Variants in TET2 observed in about 807,000 individuals in gnomAD.
The protein encoded by TET2 is tet methylcytosine dioxygenase 2.
Under a neutral mutation model 142.9 loss-of-function variants are expected in TET2, and 299 were observed. The observed-to-expected ratio is 2.09, with a 90% CI of 1.90 to 2.30. The LOEUF (loss-of-function observed/expected upper bound fraction) is 2.30, where lower values mean the gene tolerates loss of function less well. Ranked by LOEUF, TET2 falls within the 30% of genes most tolerant of loss-of-function variation. The pLI is 0.00. For synonymous variants in TET2, 819 were observed against 849.0 expected (o/e 0.96, Z 0.61); for missense variants, 2,418 against 2,378.0 (o/e 1.02, Z -0.35).
chr4:105,159,786 C>T (rs1000025284), intron 1 of TET2, among the ~76,000 whole-genome samples: 6 of 152,074 alleles, frequency 3.9e-5, no homozygotes, highest in African/African-American at 1.4e-4. Flanking sequence ...GAGGCCAAGG[C>T]GGGTGGCAAG....
chr4:105,240,834 A>G (rs1470983948), intron 3 of TET2: 2 of 1,079,478 alleles, frequency 1.9e-6, no homozygotes, highest in Admixed American at 1.1e-4. Flanking sequence ...CTTATTTGCA[A>G]AACAGCAATT....
chr4:105,243,656 G>C lies in TET2; in HGVS notation c.3681G>C (p.Val1227=), dbSNP rs2110255105. 1.9e-6 allele frequency: 3 copies of C among 1,551,616 alleles called. No individual in the cohort carries two copies. The highest frequency in any genetic ancestry group is 2.6e-6 in the Non-Finnish European group (3 of 1,146,942). ...ACACCTGTGAGGCTGCAGTGATTGT[G>C]ATTCTCATCCTGGTGTGGGAAGGAA... ...AGHTCEAAVI[V]ILILVWEGIP... Residue 1227 remains valine, a synonymous_variant, in exon 6 of 11, where the codon GTG becomes GTC. Transcript: ENST00000380013.
Position 105,233,903 on chromosome 4 carries a change from A to G in TET2, c.-40A>G, listed in dbSNP as rs901606519. 6.4e-7 allele frequency: 1 copy of G among 1,555,388 alleles called. No individual in the cohort carries two copies. The highest frequency in any genetic ancestry group is 1.2e-5 in the South Asian group (1 of 83,546). On this transcript the variant is annotated 5_prime_UTR_variant, in exon 3 of 11. Coordinates refer to ENST00000380013, the MANE Select transcript of TET2 (RefSeq NM_001127208.3). ...TTGTTTCCATGCTCTTTAGAATTCA[A>G]CTAGAGGGCAGCCTTGTGGATGGCC...
intron 1 of TET2, among the ~76,000 whole-genome samples, chr4:105,184,375 A>T (rs1396183437): frequency 6.6e-6 from 1 of 152,152 alleles, no homozygotes; most frequent in Non-Finnish European, 1.5e-5. Context: ...TACTATGTTA[A>T]ATTGTTTATA....
At position 105,275,187 on chromosome 4, in the gene TET2, T is replaced by C. The variant is rs374094417; in HGVS notation, c.4677T>C (p.Ser1559=). 8 of 1,552,116 alleles carry C rather than the reference T, an allele frequency of 5.2e-6. No individual in the cohort carries two copies. The African/African-American group carries it at 1.1e-4, about 21-fold the overall frequency. ...ACCCTCAGACAGAGTCTGTCAACTC[T>C]TATTCTGCTTCTGGATCCACCAATC... ...PHHPQTESVN[S]YSASGSTNPY... Residue 1559 remains serine, a synonymous_variant, in exon 11 of 11, where the codon TCT becomes TCC. Coordinates refer to ENST00000380013, the MANE Select transcript of TET2 (RefSeq NM_001127208.3).
chr4:105,200,010 G>T (rs1726350551), intron 2 of TET2, among the ~76,000 whole-genome samples: 1 of 152,082 alleles, frequency 6.6e-6, no homozygotes, highest in Non-Finnish European at 1.5e-5. Flanking sequence ...AAATATGTGT[G>T]CATGTGTCTT....
At chr4:105,254,731 G>A (rs1730038149) in intron 6 of TET2, among the ~76,000 whole-genome samples, 1 of 152,084 alleles carries the variant, frequency 6.6e-6, no homozygotes, top group Non-Finnish European at 1.5e-5. Flanking sequence ...GAACTTTTTA[G>A]GAACAATAGA....
At chr4:105,270,641 T>C (rs898790955) in intron 9 of TET2, among the ~76,000 whole-genome samples, 1 of 150,728 alleles carries the variant, frequency 6.6e-6, no homozygotes, top group Non-Finnish European at 1.5e-5. Flanking sequence ...GTCTTGTAAT[T>C]GGAGGCAGTG....
intron 6 of TET2, among the ~76,000 whole-genome samples, chr4:105,253,986 T>C (rs1560559929): frequency 6.6e-6 from 1 of 152,198 alleles, no homozygotes; most frequent in Non-Finnish European, 1.5e-5. Context: ...GATTTTCAAA[T>C]TTTGAACTAG....
intron 1 of TET2, among the ~76,000 whole-genome samples, chr4:105,169,992 T>C (rs939841835): frequency 6.6e-6 from 1 of 152,162 alleles, no homozygotes; most frequent in Non-Finnish European, 1.5e-5. Context: ...GGCCTTCTAG[T>C]ATAAAGTCAG....
chr4:105,236,467 C>G lies in TET2; in HGVS notation c.2525C>G (p.Ser842Ter). The G allele has an allele frequency of 1.2e-6, 2 of 1,614,034 alleles. No individual in the cohort carries two copies. The highest frequency in any genetic ancestry group is 1.7e-6 in the Non-Finnish European group (2 of 1,180,002). Residue 842 changes from serine to a stop codon, truncating the protein, a stop_gained, in exon 3 of 11, where the codon TCA becomes TGA. Coordinates refer to ENST00000380013, the MANE Select transcript of TET2 (RefSeq NM_001127208.3). LOFTEE classifies it high-confidence loss of function. ...TGTTCAAACAATACACACCTAGTTT[C>G]AGAGAATAAAGAACAGACTACACAT... ...VSCSNNTHLVSENKEQTTHPE... is the reference protein window; with the variant it reads ...VSCSNNTHLV
intron 6 of TET2, among the ~76,000 whole-genome samples, chr4:105,244,552 G>A (rs1729478594): frequency 1.4e-5 from 2 of 140,218 alleles, no homozygotes; most frequent in African/African-American, 5.3e-5. Context: ...AACACTAAAA[G>A]AATAGATGAA....
chr4:105,163,938 A>G (rs1283264207), intron 1 of TET2, among the ~76,000 whole-genome samples: 1 of 151,986 alleles, frequency 6.6e-6, no homozygotes. Flanking sequence ...ACAAAACTGT[A>G]CACATTTAAG....
intron 1 of TET2, among the ~76,000 whole-genome samples, chr4:105,188,650 A>G (rs1464819734): frequency 2.0e-5 from 3 of 152,232 alleles, no homozygotes; most frequent in Non-Finnish European, 4.4e-5. Flanking sequence ...TGGCATATCA[A>G]AACAGTAGAA....
intron 1 of TET2, among the ~76,000 whole-genome samples, chr4:105,165,998 G>A (rs928593506): frequency 6.6e-6 from 1 of 151,980 alleles, no homozygotes; most frequent in African/African-American, 2.4e-5. Context: ...GTCAACTCCT[G>A]TATTCCATAT....
chr4:105,194,109 C>T (rs982917457), intron 2 of TET2, among the ~76,000 whole-genome samples: 3 of 152,038 alleles, frequency 2.0e-5, no homozygotes, highest in African/African-American at 7.2e-5. Flanking sequence ...TACTGAGACT[C>T]TCCTCCTGCT....
chr4:105,222,892 A>G (rs944693821), intron 2 of TET2, among the ~76,000 whole-genome samples: 2 of 152,168 alleles, frequency 1.3e-5, no homozygotes, highest in Admixed American at 6.5e-5. Flanking sequence ...TGATTTTTGT[A>G]TAAGGTGTAA....
chr4:105,178,248 ATAT>A (rs1005655782), intron 1 of TET2, among the ~76,000 whole-genome samples: 1 of 152,216 alleles, frequency 6.6e-6, no homozygotes, highest in Admixed American at 6.5e-5. Flanking sequence ...AGATGTAAGA[ATAT>A]TATTCAGCAC....
At chr4:105,168,713 C>G (rs1056155515) in intron 1 of TET2, among the ~76,000 whole-genome samples, 3 of 152,030 alleles carry the variant, frequency 2.0e-5, no homozygotes, top group Admixed American at 2.0e-4. Flanking sequence ...TCACCCTATT[C>G]GTAGTCTTTT....
Sources: gnomAD v4.1 joint callset for allele counts (sites outside exome capture counted in the v4.1 genomes callset) on GRCh38, gnomAD v4.1.1 for gene constraint, MANE v1.5 for transcripts, NCBI Gene and HGNC (gene_info 2026-07-23, HGNC 2026-07-21) for gene names.